The following LRRC7 variants were observed in gnomAD, a reference collection of about 807,000 sequenced individuals.
LRRC7 encodes the protein leucine rich repeat containing 7, also known as leucine-rich repeat-containing protein 7.
Under a neutral mutation model 175.7 loss-of-function variants are expected in LRRC7, and 23 were observed. That is an observed-to-expected ratio of 0.13 (90% confidence interval 0.09 to 0.19). The LOEUF (loss-of-function observed/expected upper bound fraction) is 0.19, where lower values mean the gene tolerates loss of function less well. LRRC7 is among the 10% of genes least tolerant of loss of function. The probability of loss-of-function intolerance (pLI) is 1.00; values close to 1 mark genes in which losing one functional copy is unlikely to be tolerated. For synonymous variants in LRRC7, 685 were observed against 680.9 expected, an observed-to-expected ratio of 1.01 and a Z score of -0.09; for missense variants, 1,354 against 1,904.7, an observed-to-expected ratio of 0.71 and a Z score of 5.38.
chr1:69,725,034 C>G (rs767743529), intron 2 of LRRC7, among the ~76,000 whole-genome samples: 1 of 151,980 alleles, frequency 6.6e-6, no homozygotes, highest in Non-Finnish European at 1.5e-5. Flanking sequence ...AAAAGCTTAA[C>G]TACTAATACC....
rs550012076 is a variant in LRRC7 at position 69,774,093 on chromosome 1, T to G, written c.303+13700T>G. Among the ~76,000 whole-genome samples the G allele has an allele frequency of 2.1e-4, 32 of 152,198 alleles. 1 individual carries two copies. Among genetic ancestry groups the G allele is most frequent in the African/African-American group, 7.7e-4 (32 of 41,518 alleles). ...CCCTAGGTTTCTGCTACAGGATATCTGTGGAAGCAAAAAGAAGGGAGGCAT... is the reference window on the plus strand; with the variant it reads ...CCCTAGGTTTCTGCTACAGGATATCGGTGGAAGCAAAAAGAAGGGAGGCAT... On this transcript the variant is annotated intron_variant, in intron 3 of 26. Coordinates refer to ENST00000651989, the MANE Select transcript of LRRC7 (RefSeq NM_001370785.2).
chr1:69,919,670 T>C (rs1433847670), intron 7 of LRRC7: 4 of 949,834 alleles, frequency 4.2e-6, no homozygotes, highest in Non-Finnish European at 6.8e-6. Context: ...GTCTCCGGCC[T>C]CACAATTCAG....
chr1:69,725,904 G>C (rs1666926903), intron 2 of LRRC7, among the ~76,000 whole-genome samples: 1 of 152,206 alleles, frequency 6.6e-6, no homozygotes. Context: ...ATGTCTGTTT[G>C]ACTATATTTC....
rs965592005 is a variant in LRRC7, at chr1:70,139,476, T to C, written c.*17589T>C. On this transcript the variant is annotated 3_prime_UTR_variant, in exon 27 of 27. Coordinates refer to ENST00000651989, the MANE Select transcript of LRRC7 (RefSeq NM_001370785.2). ...GATTCAGATGTACCCTAAAGACAAC[T>C]ATGCTATAATGGCTTGTCTCCTACT... 2.6e-5 allele frequency: 4 copies of C among 152,218 alleles called. No individual in the cohort carries two copies. Among genetic ancestry groups the C allele is most frequent in the African/African-American group, 7.2e-5 (3 of 41,464 alleles). The allele number at this position is 152,218 out of a possible 1,614,324, so 9.4% of individuals were successfully genotyped here.
Position 69,716,650 on chromosome 1 carries a change from T to C in LRRC7, c.100+38172T>C, listed in dbSNP as rs187869949. On this transcript the variant is annotated intron_variant, in intron 2 of 26. Coordinates refer to ENST00000651989, the MANE Select transcript of LRRC7 (RefSeq NM_001370785.2). The stretch of plus-strand genomic sequence containing the variant: ...TAAGAAATAAAGTGAAATTATATTC[T>C]TTTTTGAAGGTTACATTTCAAAAAT... 7.7e-3 allele frequency among the ~76,000 whole-genome samples: 1,166 copies of C among 152,006 alleles called. 21 individuals are homozygous for C. The highest frequency in any genetic ancestry group is 0.026 in the African/African-American group (1,098 of 41,556).
intron 23 of LRRC7, among the ~76,000 whole-genome samples, chr1:70,068,537 T>G (rs574914075): frequency 1.3e-5 from 2 of 152,206 alleles, no homozygotes; most frequent in African/African-American, 4.8e-5. Context: ...TCTATATTCA[T>G]GATGGATATT....
At chr1:70,013,964 G>A (rs1488380825) in intron 13 of LRRC7, 2 of 151,968 alleles carry the variant, frequency 1.3e-5, no homozygotes, top group Non-Finnish European at 2.9e-5. Flanking sequence ...AAGGAAAAAT[G>A]TGAACTTCAA....
chr1:69,792,966 A>G (rs1473079654), intron 4 of LRRC7, among the ~76,000 whole-genome samples: 1 of 152,048 alleles, frequency 6.6e-6, no homozygotes, highest in African/African-American at 2.4e-5. Flanking sequence ...ATCAGTCAAA[A>G]AGGGTTATGT....
At chr1:69,607,699 A>G (rs1333102942) in intron 1 of LRRC7, 1 of 152,100 alleles carries the variant, frequency 6.6e-6, no homozygotes, top group Admixed American at 6.6e-5. Context: ...AAGCCCAGCA[A>G]ATCTAATTTT....
At chr1:70,019,692 A>C (rs1021949912) in intron 15 of LRRC7, among the ~76,000 whole-genome samples, 4 of 152,082 alleles carry the variant, frequency 2.6e-5, no homozygotes, top group Non-Finnish European at 5.9e-5. Flanking sequence ...ATATTTTAGG[A>C]TATTTTTCTT....
chr1:69,983,312 G>T (rs528187131), intron 9 of LRRC7, among the ~76,000 whole-genome samples: 1 of 152,330 alleles, frequency 6.6e-6, no homozygotes, highest in African/African-American at 2.4e-5. Context: ...CTGGAGATTT[G>T]CACTGGGTTA....
At chr1:69,897,256 T>C (rs142569803) in intron 7 of LRRC7, among the ~76,000 whole-genome samples, 67 of 152,318 alleles carry the variant, frequency 4.4e-4, no homozygotes, top group Middle Eastern at 3.4e-3. Context: ...TTATTCAGTT[T>C]AGTCTTTTAT....
At chr1:69,874,801 G>A (rs899044250) in intron 7 of LRRC7, 1 of 151,920 alleles carries the variant, frequency 6.6e-6, no homozygotes, top group African/African-American at 2.4e-5. Flanking sequence ...TGTTCAAATT[G>A]TGTAAATGCT....
At chr1:69,983,626 C>A (rs1653652880) in intron 9 of LRRC7, among the ~76,000 whole-genome samples, 1 of 152,208 alleles carries the variant, frequency 6.6e-6, no homozygotes, top group Non-Finnish European at 1.5e-5. Context: ...TATATAAAGG[C>A]TCAGCCCTTC....
At chr1:69,661,215 G>A (rs898769394) in intron 1 of LRRC7, among the ~76,000 whole-genome samples, 3 of 152,060 alleles carry the variant, frequency 2.0e-5, no homozygotes, top group Admixed American at 6.6e-5. Flanking sequence ...ACTATGTGAT[G>A]TCCACTGACC....
intron 1 of LRRC7, among the ~76,000 whole-genome samples, chr1:69,570,258 C>T (rs1057503794): frequency 2.0e-5 from 3 of 152,016 alleles, no homozygotes; most frequent in African/African-American, 7.2e-5. Context: ...TTTGTTCCAG[C>T]CTGAGCCTAT....
At chr1:69,821,006 C>T (rs983643359) in intron 4 of LRRC7, among the ~76,000 whole-genome samples, 5 of 152,192 alleles carry the variant, frequency 3.3e-5, no homozygotes, top group Non-Finnish European at 7.4e-5. Flanking sequence ...TATTTCTCCA[C>T]ATCCTCTCCA....
At chr1:70,026,281 G>A (rs79605772) in intron 17 of LRRC7, among the ~76,000 whole-genome samples, 2,485 of 151,952 alleles carry the variant, frequency 0.016, 66 homozygotes, top group African/African-American at 0.058. Context: ...CATACAGCTG[G>A]TTATAAAAAA....
chr1:69,646,772 T>C (rs2100459324), intron 1 of LRRC7, among the ~76,000 whole-genome samples: 1 of 152,296 alleles, frequency 6.6e-6, no homozygotes, highest in Non-Finnish European at 1.5e-5. Flanking sequence ...GTAGTGCTTA[T>C]CAATCCTGGC....
Sources: gnomAD v4.1 joint callset for allele counts (sites outside exome capture counted in the v4.1 genomes callset) on GRCh38, gnomAD v4.1.1 for gene constraint, MANE v1.5 for transcripts, NCBI Gene and HGNC (gene_info 2026-07-23, HGNC 2026-07-21) for gene names.